Variants in MARCHF1 observed in about 807,000 individuals in gnomAD.
MARCHF1 encodes the protein membrane associated ring-CH-type finger 1.
A neutral mutation model predicts 54.2 loss-of-function variants in MARCHF1; 40 were observed. That is an observed-to-expected ratio of 0.74 (90% CI 0.57 to 0.96). MARCHF1 has a LOEUF of 0.96. MARCHF1 is among the 40% of genes least tolerant of loss of function. The pLI is 0.00. For missense variants in MARCHF1, 586 were observed against 656.5 expected (o/e 0.89, Z 1.17); for synonymous variants, 236 against 236.3 (o/e 1.00, Z 0.01).
At chr4:164,130,334 A>T (rs190764099) in intron 1 of MARCHF1, among the ~76,000 whole-genome samples, 1 of 152,118 alleles carries the variant, frequency 6.6e-6, no homozygotes, top group Non-Finnish European at 1.5e-5. Context: ...AAGGTATAAA[A>T]GCAATTTTAA....
intron 1 of MARCHF1, among the ~76,000 whole-genome samples, chr4:164,176,752 G>C (rs1730673520): frequency 1.3e-5 from 2 of 151,428 alleles, no homozygotes; most frequent in South Asian, 4.2e-4. Flanking sequence ...ACTAGCAGGG[G>C]CTTTAATTTT....
intron 2 of MARCHF1, among the ~76,000 whole-genome samples, chr4:164,003,186 TA>T (rs1029911266): frequency 1.3e-5 from 2 of 151,528 alleles, no homozygotes; most frequent in Non-Finnish European, 1.5e-5. Flanking sequence ...GAAATCACCA[TA>T]AAAAATTAAA....
chr4:164,349,556 A>G (rs559464528), intron 1 of MARCHF1, among the ~76,000 whole-genome samples: 1 of 152,288 alleles, frequency 6.6e-6, no homozygotes, highest in African/African-American at 2.4e-5. Context: ...TTTGTCCAAT[A>G]TTATAGTTTT....
chr4:163,895,779 G>T (rs1374885973), intron 3 of MARCHF1, among the ~76,000 whole-genome samples: 3 of 152,088 alleles, frequency 2.0e-5, no homozygotes, highest in East Asian at 1.9e-4. Flanking sequence ...TTGCCACTGG[G>T]TGTGCTCAGT....
intron 1 of MARCHF1, among the ~76,000 whole-genome samples, chr4:164,169,942 CTTCAT>C (rs1277177630): frequency 6.6e-6 from 1 of 152,064 alleles, no homozygotes; most frequent in African/African-American, 2.4e-5. Context: ...TCCATTTACC[CTTCAT>C]TTAACAACAG....
intron 5 of MARCHF1, among the ~76,000 whole-genome samples, chr4:163,668,895 G>T (rs1743632021): frequency 6.6e-6 from 1 of 152,134 alleles, no homozygotes; most frequent in South Asian, 2.1e-4. Flanking sequence ...GGCATTTGTA[G>T]CTAGGTGTGT....
intron 1 of MARCHF1, among the ~76,000 whole-genome samples, chr4:164,325,385 T>C (rs939317302): frequency 4.1e-5 from 6 of 147,942 alleles, no homozygotes; most frequent in Non-Finnish European, 8.9e-5. Context: ...GAAAACTACA[T>C]GATAGTCCAA....
intron 1 of MARCHF1, among the ~76,000 whole-genome samples, chr4:164,170,506 T>A (rs1730496589): frequency 6.6e-6 from 1 of 152,108 alleles, no homozygotes; most frequent in Admixed American, 6.6e-5. Context: ...ACCATGGTTG[T>A]AAAGATTAAA....
intron 1 of MARCHF1, among the ~76,000 whole-genome samples, chr4:164,305,512 T>C (rs1410634070): frequency 6.6e-6 from 1 of 152,112 alleles, no homozygotes; most frequent in Admixed American, 6.5e-5. Context: ...AATAAGGAGA[T>C]TGAGAGTGAG....
chr4:163,958,611 G>C, intron 3 of MARCHF1, among the ~76,000 whole-genome samples: 1 of 152,012 alleles, frequency 6.6e-6, no homozygotes, highest in East Asian at 1.9e-4. Context: ...CCTTTGTTAA[G>C]AGTAAGATTT....
intron 2 of MARCHF1, among the ~76,000 whole-genome samples, chr4:163,990,699 T>C (rs1391509946): frequency 6.6e-6 from 1 of 152,184 alleles, no homozygotes; most frequent in African/African-American, 2.4e-5. Context: ...CTTAATTTAA[T>C]AATTTTTAAT....
chr4:163,930,042 T>G, intron 3 of MARCHF1, among the ~76,000 whole-genome samples: 1 of 139,812 alleles, frequency 7.2e-6, no homozygotes, highest in South Asian at 2.2e-4. Flanking sequence ...TATAGCTAAT[T>G]TGTTGTCTCA....
At chr4:164,335,320 C>T (rs892044576) in intron 1 of MARCHF1, among the ~76,000 whole-genome samples, 14 of 152,158 alleles carry the variant, frequency 9.2e-5, no homozygotes, top group Non-Finnish European at 2.9e-5. Flanking sequence ...CGGTGGCTCA[C>T]GCCTGTAATC....
intron 3 of MARCHF1, among the ~76,000 whole-genome samples, chr4:163,898,785 T>C (rs943979007): frequency 1.3e-5 from 2 of 152,242 alleles, no homozygotes; most frequent in South Asian, 4.2e-4. Context: ...GGAACTAACC[T>C]ATGTGTCCGT....
chr4:164,152,060 G>C (rs1483936243), intron 1 of MARCHF1, among the ~76,000 whole-genome samples: 1 of 152,076 alleles, frequency 6.6e-6, no homozygotes, highest in Non-Finnish European at 1.5e-5. Flanking sequence ...GTTGCAATAT[G>C]AATAAGAATG....
chr4:164,338,610 A>G (rs1729826535), intron 1 of MARCHF1, among the ~76,000 whole-genome samples: 1 of 152,240 alleles, frequency 6.6e-6, no homozygotes, highest in Non-Finnish European at 1.5e-5. Context: ...GGGTAATTAT[A>G]TAAGACAAAA....
intron 2 of MARCHF1, among the ~76,000 whole-genome samples, chr4:164,014,320 A>G (rs1033404794): frequency 9.9e-5 from 15 of 152,144 alleles, no homozygotes; most frequent in Admixed American, 6.5e-5. Flanking sequence ...ATTAGAGTTA[A>G]GCTGTTATCG....
intron 4 of MARCHF1, among the ~76,000 whole-genome samples, chr4:163,733,203 A>ATATATACATACACATG (rs1745911813): frequency 5.3e-5 from 2 of 37,862 alleles, no homozygotes; most frequent in Non-Finnish European, 5.8e-5. Flanking sequence ...ATATATATAT[A>ATATATACATACACATG]TATATATATA....
chr4:163,753,077 G>A (rs190911195), intron 4 of MARCHF1, among the ~76,000 whole-genome samples: 57 of 151,866 alleles, frequency 3.8e-4, no homozygotes, highest in Non-Finnish European at 7.7e-4. Flanking sequence ...GCATCTACTC[G>A]TTATTTAATA....
Sources: gnomAD v4.1 joint callset for allele counts (sites outside exome capture counted in the v4.1 genomes callset) on GRCh38, gnomAD v4.1.1 for gene constraint, MANE v1.5 for transcripts, NCBI Gene and HGNC (gene_info 2026-07-23, HGNC 2026-07-21) for gene names.